CPQ: variants seen among roughly 807,000 people sequenced by gnomAD.
CPQ encodes the protein Ser-Met dipeptidase.
Under a neutral mutation model 45.7 loss-of-function variants are expected in CPQ, and 37 were observed. That is an observed-to-expected ratio of 0.81 (90% CI 0.62 to 1.07). The LOEUF (loss-of-function observed/expected upper bound fraction) is 1.07. CPQ is among the 50% of genes least tolerant of loss of function. The pLI is 0.00. For synonymous variants in CPQ, 186 were observed against 205.8 expected, an observed-to-expected ratio of 0.90 and a Z score of 0.82; for missense variants, 537 against 572.9, an observed-to-expected ratio of 0.94 and a Z score of 0.64.
At chr8:97,092,802 A>T (rs553900995) in intron 7 of CPQ, 1 of 152,322 alleles carries the variant, frequency 6.6e-6, no homozygotes, top group South Asian at 2.1e-4. Flanking sequence ...CAATTGTAAC[A>T]AAAACAAAAA....
At chr8:96,891,373 A>G (rs184977559) in intron 4 of CPQ, among the ~76,000 whole-genome samples, 2 of 152,312 alleles carry the variant, frequency 1.3e-5, no homozygotes, top group Admixed American at 6.5e-5. Context: ...GAATGGTGCC[A>G]TATCGAGGGC....
At chr8:96,928,119 A>G (rs1036763500) in intron 4 of CPQ, among the ~76,000 whole-genome samples, 1 of 152,128 alleles carries the variant, frequency 6.6e-6, no homozygotes, top group South Asian at 2.1e-4. Context: ...AATTCATTTT[A>G]TGGGTTGACT....
chr8:96,848,475 G>A (rs777619831), intron 3 of CPQ, among the ~76,000 whole-genome samples: 2 of 152,300 alleles, frequency 1.3e-5, no homozygotes, highest in Non-Finnish European at 2.9e-5. Flanking sequence ...TCAAGCTGCT[G>A]TACTTTGTCT....
intron 4 of CPQ, among the ~76,000 whole-genome samples, chr8:96,908,929 G>A (rs1225585716): frequency 2.0e-4 from 30 of 152,156 alleles, no homozygotes; most frequent in Admixed American, 1.9e-3. Context: ...TCACCCAAGT[G>A]TGATTTTTGT....
At chr8:97,008,673 CATT>C (rs1421117160) in intron 5 of CPQ, among the ~76,000 whole-genome samples, 1 of 152,100 alleles carries the variant, frequency 6.6e-6, no homozygotes, top group Non-Finnish European at 1.5e-5. Context: ...TGTTTCTGCC[CATT>C]ATTATATATG....
chr8:96,740,674 G>C (rs1300670400), intron 1 of CPQ, among the ~76,000 whole-genome samples: 6 of 151,266 alleles, frequency 4.0e-5, no homozygotes, highest in Admixed American at 1.3e-4. Context: ...TAGCATGAAG[G>C]GTTGTTGAAT....
At chr8:96,697,352 G>C (rs1018630107) in intron 1 of CPQ, among the ~76,000 whole-genome samples, 1 of 152,060 alleles carries the variant, frequency 6.6e-6, no homozygotes, top group African/African-American at 2.4e-5. Context: ...TGAAAAACTG[G>C]ATATAGAATG....
chr8:96,779,259 G>A lies in CPQ; in HGVS notation c.-34-5605G>A, dbSNP rs192247314. 2.3e-3 allele frequency among the ~76,000 whole-genome samples: 347 copies of A among 152,034 alleles called. 4 individuals carry two copies. Among genetic ancestry groups the A allele is most frequent in the African/African-American group, 8.2e-3 (339 of 41,472 alleles). ...CCATTTCCTAAGACTGTCTTCAGAT[G>A]TTATGTCTTCTCTAGAGCTTTTCAG... On this transcript the variant is annotated intron_variant, in intron 1 of 7. Transcript: ENST00000220763.
intron 7 of CPQ, among the ~76,000 whole-genome samples, chr8:97,080,734 T>A (rs1810931764): frequency 6.6e-6 from 1 of 152,198 alleles, no homozygotes. Context: ...ATAACTAAAC[T>A]TACTTTTAAA....
intron 1 of CPQ, among the ~76,000 whole-genome samples, chr8:96,699,481 A>G (rs1374679772): frequency 1.3e-5 from 2 of 152,204 alleles, no homozygotes; most frequent in Non-Finnish European, 2.9e-5. Context: ...AATAACTAAA[A>G]GAGTATAATT....
chr8:97,000,291 ATCT>A (rs1337222829), intron 5 of CPQ, among the ~76,000 whole-genome samples: 2 of 151,460 alleles, frequency 1.3e-5, no homozygotes, highest in East Asian at 3.9e-4. Context: ...CTTTTCATGA[ATCT>A]TCATCATGAA....
chr8:96,993,534 T>A (rs1215157187), intron 5 of CPQ, among the ~76,000 whole-genome samples: 1 of 152,200 alleles, frequency 6.6e-6, no homozygotes, highest in African/African-American at 2.4e-5. Flanking sequence ...AGGCTTCATA[T>A]CACAAAGTTT....
At chr8:97,130,889 A>C (rs1330397864) in intron 7 of CPQ, among the ~76,000 whole-genome samples, 2 of 144,820 alleles carry the variant, frequency 1.4e-5, no homozygotes, top group Non-Finnish European at 3.0e-5. Flanking sequence ...ATATTTTAGA[A>C]GGTTTTGTGT....
chr8:96,652,620 C>T (rs1462576101), intron 1 of CPQ, among the ~76,000 whole-genome samples: 4 of 152,108 alleles, frequency 2.6e-5, no homozygotes, highest in Non-Finnish European at 2.9e-5. Context: ...CTTTACTTCA[C>T]ATTGTCACCA....
chr8:96,672,518 A>C lies in CPQ; in HGVS notation c.-35+27116A>C, dbSNP rs554430751. On this transcript the variant is annotated intron_variant, in intron 1 of 7. Coordinates refer to ENST00000220763, the MANE Select transcript of CPQ (RefSeq NM_016134.4). ...AAGGAGTTGGAAAACAATTGCTAGG[A>C]TTGGGGAGTTGTTTCAGTTTTAAAT... is the stretch of plus-strand genomic sequence containing the variant. Among the ~76,000 whole-genome samples, 40 of 152,204 alleles carry C rather than the reference A, an allele frequency of 2.6e-4. 1 individual carries two copies. Among genetic ancestry groups the C allele is most frequent in the Admixed American group, 1.0e-3 (16 of 15,286 alleles).
At chr8:96,774,591 G>A (rs548785828) in intron 1 of CPQ, among the ~76,000 whole-genome samples, 1 of 152,212 alleles carries the variant, frequency 6.6e-6, no homozygotes, top group East Asian at 1.9e-4. Flanking sequence ...TTACAGGCAG[G>A]GTTTGGCAAG....
chr8:96,815,155 T>G (rs985692087), intron 2 of CPQ, among the ~76,000 whole-genome samples: 10 of 151,908 alleles, frequency 6.6e-5, no homozygotes, highest in Admixed American at 6.6e-4. Context: ...TTCAAATGAG[T>G]GAATTGTATG....
chr8:96,724,583 A>T (rs1409009552), intron 1 of CPQ, among the ~76,000 whole-genome samples: 1 of 152,066 alleles, frequency 6.6e-6, no homozygotes, highest in Non-Finnish European at 1.5e-5. Context: ...GAACCACAAA[A>T]CACTGCTGAA....
At chr8:97,131,697 T>G (rs1011965960) in intron 7 of CPQ, among the ~76,000 whole-genome samples, 2 of 152,300 alleles carry the variant, frequency 1.3e-5, no homozygotes, top group Admixed American at 1.3e-4. Flanking sequence ...TAAAATAATT[T>G]TATTTCTCAT....
Sources: gnomAD v4.1 joint callset for allele counts (sites outside exome capture counted in the v4.1 genomes callset) on GRCh38, gnomAD v4.1.1 for gene constraint, MANE v1.5 for transcripts, NCBI Gene and HGNC (gene_info 2026-07-23, HGNC 2026-07-21) for gene names.